The following PRKCE variants were observed in gnomAD, a reference collection of about 807,000 sequenced individuals.
PRKCE encodes the protein protein kinase C epsilon.
A neutral mutation model predicts 85.4 loss-of-function variants in PRKCE; 16 were observed. The observed-to-expected ratio is 0.19, with a 90% CI of 0.13 to 0.28. The LOEUF is 0.28. PRKCE is among the 10% of genes least tolerant of loss of function. PRKCE has a pLI of 1.00. For missense variants in PRKCE, 573 were observed against 975.2 expected, an observed-to-expected ratio of 0.59 and a Z score of 5.49; for synonymous variants, 388 against 371.5, an observed-to-expected ratio of 1.04 and a Z score of -0.51.
chr2:46,124,025 T>C (rs2104356191), intron 11 of PRKCE, among the ~76,000 whole-genome samples: 1 of 152,344 alleles, frequency 6.6e-6, no homozygotes, highest in South Asian at 2.1e-4. Context: ...AAATGTTTGC[T>C]TTTTAATAAA....
At chr2:45,808,725 A>G (rs1265233808) in intron 1 of PRKCE, among the ~76,000 whole-genome samples, 1 of 152,186 alleles carries the variant, frequency 6.6e-6, no homozygotes. Flanking sequence ...TTCTAGAAGT[A>G]TATAATCTTA....
At chr2:45,773,334 T>C (rs1332141722) in intron 1 of PRKCE, among the ~76,000 whole-genome samples, 3 of 152,120 alleles carry the variant, frequency 2.0e-5, no homozygotes, top group Non-Finnish European at 4.4e-5. Context: ...TGAGTGGAGA[T>C]GATGATGGCC....
chr2:45,995,552 T>G (rs1704144825), intron 6 of PRKCE, among the ~76,000 whole-genome samples: 1 of 152,220 alleles, frequency 6.6e-6, no homozygotes, highest in Non-Finnish European at 1.5e-5. Flanking sequence ...TGTGTCTAGA[T>G]TCACTGTTTT....
At chr2:46,142,336 G>T (rs1457738375) in intron 11 of PRKCE, among the ~76,000 whole-genome samples, 1 of 152,196 alleles carries the variant, frequency 6.6e-6, no homozygotes, top group Non-Finnish European at 1.5e-5. Context: ...GACCCCCAGA[G>T]AAATAGAAAG....
chr2:46,115,802 G>A (rs539586421), intron 11 of PRKCE, among the ~76,000 whole-genome samples: 3 of 152,312 alleles, frequency 2.0e-5, no homozygotes, highest in African/African-American at 7.2e-5. Flanking sequence ...ATCACAGAGG[G>A]TACCAGGTAC....
intron 14 of PRKCE, among the ~76,000 whole-genome samples, chr2:46,165,221 G>A (rs192429127): frequency 6.6e-6 from 1 of 152,136 alleles, no homozygotes; most frequent in African/African-American, 2.4e-5. Flanking sequence ...CCTGTCTTTC[G>A]TTCTCTCAGC....
At chr2:46,061,859 C>CTTTTCTTTTCTTTTTCT in intron 10 of PRKCE, among the ~76,000 whole-genome samples, 1 of 107,746 alleles carries the variant, frequency 9.3e-6, no homozygotes, top group Non-Finnish European at 1.8e-5. Flanking sequence ...TTTTCTTTTT[C>CTTTTCTTTTCTTTTTCT]TTTTTTTTTT....
intron 2 of PRKCE, among the ~76,000 whole-genome samples, chr2:45,934,176 C>A (rs1387929007): frequency 1.3e-5 from 2 of 152,192 alleles, no homozygotes; most frequent in South Asian, 2.1e-4. Flanking sequence ...ATGCCGTACT[C>A]CCACTGTACA....
intron 11 of PRKCE, among the ~76,000 whole-genome samples, chr2:46,103,012 G>T (rs1671381465): frequency 1.3e-5 from 2 of 152,178 alleles, no homozygotes; most frequent in Non-Finnish European, 2.9e-5. Context: ...TTTCACCTCT[G>T]TGAGGGCAGA....
chr2:46,017,292 A>T (rs1240191334), intron 10 of PRKCE, among the ~76,000 whole-genome samples: 1 of 152,200 alleles, frequency 6.6e-6, no homozygotes, highest in South Asian at 2.1e-4. Flanking sequence ...TACCTCTTAT[A>T]AGTGGAATCA....
At chr2:45,788,767 A>G (rs1573362684) in intron 1 of PRKCE, among the ~76,000 whole-genome samples, 1 of 152,244 alleles carries the variant, frequency 6.6e-6, no homozygotes, top group African/African-American at 2.4e-5. Context: ...CTTTCTGTCT[A>G]AAGTAGGCAA....
intron 1 of PRKCE, among the ~76,000 whole-genome samples, chr2:45,779,654 A>G (rs1329282518): frequency 1.3e-5 from 2 of 151,964 alleles, no homozygotes; most frequent in Non-Finnish European, 2.9e-5. Flanking sequence ...TCTCCCCCAG[A>G]AAACATGATT....
intron 2 of PRKCE, among the ~76,000 whole-genome samples, chr2:45,900,813 T>G (rs1696522597): frequency 6.6e-6 from 1 of 152,260 alleles, no homozygotes. Context: ...TGTAATTGAT[T>G]CCTAAATTTA....
chr2:45,956,545 T>C (rs566530170), intron 2 of PRKCE, among the ~76,000 whole-genome samples: 99 of 148,728 alleles, frequency 6.7e-4, no homozygotes, highest in African/African-American at 2.2e-3. Flanking sequence ...ATTAGCCAGG[T>C]GTGGTGGCAT....
chr2:45,719,610 G>T (rs947579119), intron 1 of PRKCE, among the ~76,000 whole-genome samples: 2 of 152,190 alleles, frequency 1.3e-5, no homozygotes, highest in Non-Finnish European at 2.9e-5. Flanking sequence ...TATGTATTTT[G>T]AGGTGTGGCA....
At chr2:45,956,418 G>A (rs1051464693) in intron 2 of PRKCE, among the ~76,000 whole-genome samples, 6 of 152,058 alleles carry the variant, frequency 3.9e-5, no homozygotes, top group Admixed American at 6.6e-5. Flanking sequence ...AGTGGGTCAC[G>A]CCTATAATCC....
intron 4 of PRKCE, 93 bp from the exon 5 acceptor site, chr2:45,980,203 C>A (rs1006243841): frequency 8.3e-7 from 1 of 1,204,416 alleles, no homozygotes; most frequent in African/African-American, 1.5e-5. Context: ...GGGCCTGGCT[C>A]CCCTTGTCAC....
chr2:46,089,908 C>T (rs866595936), intron 11 of PRKCE, among the ~76,000 whole-genome samples: 2 of 152,138 alleles, frequency 1.3e-5, no homozygotes, highest in African/African-American at 4.8e-5. Flanking sequence ...AGACTTTGCC[C>T]CCATTGTCCC....
chr2:45,744,013 A>G (rs1682812097), intron 1 of PRKCE, among the ~76,000 whole-genome samples: 1 of 141,304 alleles, frequency 7.1e-6, no homozygotes, highest in Non-Finnish European at 1.5e-5. Context: ...TTTTTTTTCC[A>G]GATAATGCAT....
Sources: gnomAD v4.1 joint callset for allele counts (sites outside exome capture counted in the v4.1 genomes callset) on GRCh38, gnomAD v4.1.1 for gene constraint, MANE v1.5 for transcripts, NCBI Gene and HGNC (gene_info 2026-07-23, HGNC 2026-07-21) for gene names.